PARD3B: variants seen among roughly 807,000 people sequenced by gnomAD.
The protein encoded by PARD3B is partitioning defective 3 homolog B.
A neutral mutation model predicts 130.2 loss-of-function variants in PARD3B; 103 were observed. That is an observed-to-expected ratio of 0.79 (90% confidence interval 0.67 to 0.93). The LOEUF is 0.93. PARD3B is among the 40% of genes least tolerant of loss of function. The pLI is 0.00. For missense variants in PARD3B, 1,609 were observed against 1,499.2 expected, an observed-to-expected ratio of 1.07 and a Z score of -1.21; for synonymous variants, 583 against 553.2, an observed-to-expected ratio of 1.05 and a Z score of -0.76.
rs2034446024 is a variant in PARD3B at position 205,160,499 on chromosome 2, A to G, written c.1620+1592A>G. ...TAGGCCACTGGTCAAAGCAAGTCAT[A>G]TGGCTGAGTCCAAGGTTGAGCAGTA... On this transcript the variant is annotated intron_variant, in intron 11 of 22. Coordinates refer to ENST00000406610, the MANE Select transcript of PARD3B (RefSeq NM_001302769.2). This position sits in a 1 kb window ranked among gnomAD's most constrained non-coding sequence, Gnocchi z 4.0. 6.6e-6 allele frequency among the ~76,000 whole-genome samples: 1 copy of G among 152,332 alleles called. No individual in the cohort carries two copies. Among genetic ancestry groups the G allele is most frequent in the East Asian group, 1.9e-4 (1 of 5,172 alleles).
chr2:204,949,186 T>G (rs1248258357), intron 2 of PARD3B, among the ~76,000 whole-genome samples: 2 of 152,236 alleles, frequency 1.3e-5, no homozygotes, highest in African/African-American at 4.8e-5. Context: ...AACCCCAATA[T>G]CAATATCGCA....
rs570544917 is a variant in PARD3B at position 204,746,850 on chromosome 2, T to G, written c.222+60568T>G. On this transcript the variant is annotated intron_variant, in intron 2 of 22. Transcript: ENST00000406610. ...GTTGTTTTTTTCTTGTAAATTTGTT[T>G]GAGTTCTTTGTAGATTCTGGATATT... Among the ~76,000 whole-genome samples, 15 of 152,332 alleles carry G rather than the reference T, an allele frequency of 9.8e-5. No homozygotes were observed. In the South Asian group the frequency reaches 2.9e-3, roughly 29 times the overall value.
intron 2 of PARD3B, among the ~76,000 whole-genome samples, chr2:204,883,213 T>G (rs2046118847): frequency 6.6e-6 from 1 of 151,568 alleles, no homozygotes; most frequent in Non-Finnish European, 1.5e-5. Flanking sequence ...TTTATTTTCC[T>G]TTTCCTCATC....
chr2:205,054,401 C>A (rs1490194900), intron 4 of PARD3B, among the ~76,000 whole-genome samples: 1 of 34,032 alleles, frequency 2.9e-5, no homozygotes, highest in Non-Finnish European at 5.7e-5. Context: ...CATGACATGT[C>A]TTTTATATAT....
chr2:205,496,318 C>T (rs988188209), intron 20 of PARD3B, among the ~76,000 whole-genome samples: 1 of 152,086 alleles, frequency 6.6e-6, no homozygotes, highest in Non-Finnish European at 1.5e-5. Context: ...TTGGAATTTG[C>T]TGTCCCTAAT....
In PARD3B at chr2:205,276,481, T is replaced by C. The variant is rs2040953052; in HGVS notation, c.2186-24049T>C. Among the ~76,000 whole-genome samples the C allele has an allele frequency of 3.9e-5, 6 of 152,154 alleles. No individual in the cohort carries two copies. The highest frequency in any genetic ancestry group is 3.9e-4 in the Admixed American group (6 of 15,260). On this transcript the variant is annotated intron_variant, in intron 16 of 22. Coordinates refer to ENST00000406610, the MANE Select transcript of PARD3B (RefSeq NM_001302769.2). The surrounding 1 kb of genome is among the most constrained non-coding windows in gnomAD (Gnocchi z 5.0). Reference sequence around the variant, plus strand: ...ACCAAGAAAATGCTTTCTGAAAGAATTTAAAAGAAGACAAAGGAGTTGCAG... The same window carrying C: ...ACCAAGAAAATGCTTTCTGAAAGAACTTAAAAGAAGACAAAGGAGTTGCAG...
intron 2 of PARD3B, among the ~76,000 whole-genome samples, chr2:204,791,988 C>G (rs1005887578): frequency 2.6e-5 from 4 of 152,130 alleles, no homozygotes; most frequent in Non-Finnish European, 5.9e-5. Context: ...CTTATACTGT[C>G]TAAAATTTAT....
intron 2 of PARD3B, among the ~76,000 whole-genome samples, chr2:204,692,029 A>G (rs1465374201): frequency 6.6e-6 from 1 of 152,130 alleles, no homozygotes; most frequent in African/African-American, 2.4e-5. Flanking sequence ...GGTTTGCGCA[A>G]TGCTGCATGA....
intron 2 of PARD3B, among the ~76,000 whole-genome samples, chr2:204,820,355 G>A (rs1355474598): frequency 3.3e-5 from 5 of 151,924 alleles, no homozygotes; most frequent in South Asian, 4.2e-4. Context: ...GGGATTACAG[G>A]CGTGAGCCAC....
intron 18 of PARD3B, among the ~76,000 whole-genome samples, chr2:205,304,463 CCTTCT>C (rs2042119785): frequency 6.6e-6 from 1 of 151,898 alleles, no homozygotes; most frequent in Non-Finnish European, 1.5e-5. Context: ...TGGAGAAACC[CCTTCT>C]CTACTAAAAA....
At chr2:205,567,146 C>T (rs991026313) in intron 22 of PARD3B, among the ~76,000 whole-genome samples, 3 of 151,678 alleles carry the variant, frequency 2.0e-5, no homozygotes, top group Admixed American at 6.6e-5. Flanking sequence ...TCTCAAATGG[C>T]TCAGGAAGTA....
chr2:205,518,260 T>C (rs2050878367), intron 21 of PARD3B, among the ~76,000 whole-genome samples: 1 of 152,204 alleles, frequency 6.6e-6, no homozygotes, highest in African/African-American at 2.4e-5. Flanking sequence ...ATCTGGCTGC[T>C]ACTGTACTGG....
At chr2:205,587,073 A>C (rs1455235168) in intron 22 of PARD3B, among the ~76,000 whole-genome samples, 3 of 152,194 alleles carry the variant, frequency 2.0e-5, no homozygotes, top group African/African-American at 7.2e-5. Flanking sequence ...GGCGTGTGTT[A>C]AGAATCACAT....
chr2:205,427,227 G>A (rs1464030983), intron 19 of PARD3B, among the ~76,000 whole-genome samples: 1 of 152,318 alleles, frequency 6.6e-6, no homozygotes, highest in Admixed American at 6.5e-5. Context: ...AAGTATATGT[G>A]TGTTTCTCTT....
chr2:204,643,447 A>G (rs2035163954), intron 1 of PARD3B, among the ~76,000 whole-genome samples: 1 of 152,146 alleles, frequency 6.6e-6, no homozygotes, highest in Non-Finnish European at 1.5e-5. Flanking sequence ...ACATGTCTAC[A>G]GTAGAACTGA....
intron 5 of PARD3B, among the ~76,000 whole-genome samples, chr2:205,110,553 T>G (rs1034037536): frequency 6.6e-6 from 1 of 152,142 alleles, no homozygotes; most frequent in African/African-American, 2.4e-5. Flanking sequence ...TATTTTGATC[T>G]TAGTAAAATT....
At chr2:204,780,776 T>C (rs970272262) in intron 2 of PARD3B, among the ~76,000 whole-genome samples, 15 of 152,062 alleles carry the variant, frequency 9.9e-5, no homozygotes, top group African/African-American at 3.6e-4. Context: ...ATGTGAAGTA[T>C]CATTGGTGGA....
At chr2:204,680,498 A>G (rs1210771322) in intron 1 of PARD3B, among the ~76,000 whole-genome samples, 1 of 151,996 alleles carries the variant, frequency 6.6e-6, no homozygotes, top group Non-Finnish European at 1.5e-5. Context: ...CAAGCTTTTC[A>G]TAAAACCAAC....
chr2:204,618,331 A>T (rs147821575), intron 1 of PARD3B, among the ~76,000 whole-genome samples: 397 of 152,272 alleles, frequency 2.6e-3, no homozygotes, highest in Non-Finnish European at 3.6e-3. Context: ...TTGGAAACCC[A>T]TATCTGCCAT....
Sources: allele counts gnomAD v4.1 joint callset (sites outside exome capture counted in the v4.1 genomes callset), GRCh38; gene constraint gnomAD v4.1.1; non-coding constraint Gnocchi (gnomAD v3.1); transcripts MANE v1.5; gene names NCBI Gene and HGNC (gene_info 2026-07-23, HGNC 2026-07-21).